The following PRIM2 variants were observed in gnomAD, a reference collection of about 807,000 sequenced individuals.
PRIM2 encodes the protein DNA primase subunit 2, also known as DNA primase large subunit.
A neutral mutation model predicts 67.3 loss-of-function variants in PRIM2; 39 were observed. The observed-to-expected ratio is 0.58, with a 90% confidence interval of 0.45 to 0.76. The LOEUF is 0.76. Ranked by LOEUF, PRIM2 falls within the 30% of genes least tolerant of loss-of-function variation. The pLI is 0.00. For synonymous variants in PRIM2, 143 were observed against 198.7 expected (o/e 0.72, Z 2.36); for missense variants, 398 against 598.7 (o/e 0.66, Z 3.50).
chr6:57,625,417 G>A (rs1582026348), intron 12 of PRIM2, among the ~76,000 whole-genome samples: 1 of 152,126 alleles, frequency 6.6e-6, no homozygotes, highest in African/African-American at 2.4e-5. Context: ...GAAAACCCCC[G>A]ATCATCACTA....
intron 12 of PRIM2, among the ~76,000 whole-genome samples, chr6:57,625,598 C>G (rs1776936125): frequency 6.6e-6 from 1 of 151,970 alleles, no homozygotes; most frequent in African/African-American, 2.4e-5. Context: ...ACTCTTGTGG[C>G]AATGTGGCAG....
chr6:57,274,576 C>T, the PRIM2 span, among the ~76,000 whole-genome samples: 45 of 152,228 alleles, frequency 3.0e-4, no homozygotes, highest in Non-Finnish European at 4.3e-4. Context: ...TTGCGCTTCC[C>T]GGGTGATGCG....
At chr6:57,530,618 A>G (rs1281455249) in intron 8 of PRIM2, among the ~76,000 whole-genome samples, 2 of 152,048 alleles carry the variant, frequency 1.3e-5, no homozygotes, top group African/African-American at 4.8e-5. Context: ...GGTTTCCCTC[A>G]GTATTAGTCT....
intron 10 of PRIM2, among the ~76,000 whole-genome samples, chr6:57,590,109 C>A (rs1381952030): frequency 2.3e-3 from 355 of 152,290 alleles, no homozygotes; most frequent in African/African-American, 7.6e-3. Context: ...CAGCTTCAGA[C>A]AATGTAATCA....
chr6:57,299,458 C>A, the PRIM2 span, among the ~76,000 whole-genome samples: 1 of 152,158 alleles, frequency 6.6e-6, no homozygotes, highest in Non-Finnish European at 1.5e-5. Flanking sequence ...TGACCCTATG[C>A]CATCAATGGT....
At chr6:57,254,788 C>A in the PRIM2 span, among the ~76,000 whole-genome samples, 1 of 152,290 alleles carries the variant, frequency 6.6e-6, no homozygotes, top group Admixed American at 6.5e-5. Context: ...AATCACCCAG[C>A]ACCTGGACCC....
intron 10 of PRIM2, among the ~76,000 whole-genome samples, chr6:57,562,650 T>G (rs1775660441): frequency 6.6e-6 from 1 of 152,248 alleles, no homozygotes; most frequent in South Asian, 2.1e-4. Flanking sequence ...AGACTTAAAG[T>G]GCTTAAAACT....
At chr6:57,418,557 C>T (rs557131237) in intron 7 of PRIM2, among the ~76,000 whole-genome samples, 11 of 150,124 alleles carry the variant, frequency 7.3e-5, no homozygotes, top group Admixed American at 1.3e-4. Context: ...CCACCACGCC[C>T]AGCTAATTTT....
chr6:57,235,270 C>G, the PRIM2 span, among the ~76,000 whole-genome samples: 1 of 152,154 alleles, frequency 6.6e-6, no homozygotes, highest in Non-Finnish European at 1.5e-5. Flanking sequence ...CAAGACCAGC[C>G]TGGCCAACAT....
the PRIM2 span, among the ~76,000 whole-genome samples, chr6:57,289,664 T>G: frequency 0.085 from 12,999 of 152,094 alleles, 586 homozygotes; most frequent in Non-Finnish European, 0.1. Context: ...CATTCTTAAA[T>G]AAAATAATTT....
chr6:57,562,434 A>T (rs1718819777), intron 10 of PRIM2, among the ~76,000 whole-genome samples: 1 of 152,086 alleles, frequency 6.6e-6, no homozygotes, highest in African/African-American at 2.4e-5. Context: ...TCCAGGAAAC[A>T]CCTTAGTTCT....
intron 7 of PRIM2, among the ~76,000 whole-genome samples, chr6:57,439,990 T>C (rs1772151238): frequency 6.6e-6 from 1 of 151,978 alleles, no homozygotes; most frequent in African/African-American, 2.4e-5. Context: ...TATAAATAAA[T>C]ATTTGTTCGC....
the PRIM2 span, among the ~76,000 whole-genome samples, chr6:57,239,014 A>T: frequency 6.6e-6 from 1 of 151,502 alleles, no homozygotes; most frequent in African/African-American, 2.4e-5. Flanking sequence ...ATTTTGAGAC[A>T]AGGTCTCACT....
intron 10 of PRIM2, among the ~76,000 whole-genome samples, chr6:57,599,149 T>C (rs1156802144): frequency 1.6e-5 from 1 of 64,390 alleles, no homozygotes; most frequent in Non-Finnish European, 2.9e-5. Context: ...GGTTTCACCG[T>C]GTTAGCCAGG....
intron 7 of PRIM2, among the ~76,000 whole-genome samples, chr6:57,448,250 T>A (rs1267005872): frequency 6.6e-6 from 1 of 152,158 alleles, no homozygotes; most frequent in Non-Finnish European, 1.5e-5. Context: ...ATAAGATATT[T>A]TAATTTTCAA....
At chr6:57,451,855 A>C (rs1772564230) in intron 7 of PRIM2, among the ~76,000 whole-genome samples, 1 of 150,792 alleles carries the variant, frequency 6.6e-6, no homozygotes, top group Non-Finnish European at 1.5e-5. Context: ...CTATGTATGC[A>C]TGTGCCATGT....
chr6:57,579,050 C>T (rs1295906927), intron 10 of PRIM2, among the ~76,000 whole-genome samples: 1 of 152,116 alleles, frequency 6.6e-6, no homozygotes, highest in Non-Finnish European at 1.5e-5. Flanking sequence ...ATTTTCCCTG[C>T]CTCAGTCCTG....
chr6:57,610,531 G>A (rs1347849306), intron 12 of PRIM2, among the ~76,000 whole-genome samples: 3 of 151,734 alleles, frequency 2.0e-5, no homozygotes, highest in Non-Finnish European at 4.4e-5. Flanking sequence ...GAAAATTAAC[G>A]AGCTTGGTAT....
chr6:57,571,514 G>A (rs1392257917), intron 10 of PRIM2, among the ~76,000 whole-genome samples: 2 of 152,132 alleles, frequency 1.3e-5, no homozygotes, highest in Non-Finnish European at 2.9e-5. Context: ...AGCCGGGCAT[G>A]GTGGCGTGGC....
Sources: gnomAD v4.1 joint callset for allele counts (sites outside exome capture counted in the v4.1 genomes callset) on GRCh38, gnomAD v4.1.1 for gene constraint, MANE v1.5 for transcripts, NCBI Gene and HGNC (gene_info 2026-07-23, HGNC 2026-07-21) for gene names.